The following MARCHF1 variants were observed in gnomAD, a reference collection of about 807,000 sequenced individuals.
MARCHF1 encodes membrane associated ring-CH-type finger 1, also known as E3 ubiquitin-protein ligase MARCHF1.
A neutral mutation model predicts 54.2 loss-of-function variants in MARCHF1; 40 were observed. The ratio of observed to expected loss-of-function variants is 0.74; its 90% confidence interval spans 0.57 to 0.96. MARCHF1 has a LOEUF of 0.96. Among genes scored for constraint, MARCHF1 ranks in the 40% least tolerant of loss-of-function variants. The pLI is 0.00. For missense variants in MARCHF1, 586 were observed against 656.5 expected, an observed-to-expected ratio of 0.89 and a Z score of 1.17; for synonymous variants, 236 against 236.3, an observed-to-expected ratio of 1.00 and a Z score of 0.01.
In MARCHF1 at chr4:163,626,551, A is replaced by T. The variant is rs553673146; in HGVS notation, c.163-13158T>A. Among the ~76,000 whole-genome samples the T allele has an allele frequency of 7.9e-5, 12 of 152,324 alleles. No individual in the cohort carries two copies. The South Asian group carries it at 2.5e-3, about 32-fold the overall frequency. ...CAGATGGGAAATACTGCTGCAGAAG[A>T]TTCTTTTTTTAAAGCCCCATTAATA... is the stretch of plus-strand genomic sequence containing the variant. On this transcript the variant is annotated intron_variant, in intron 5 of 9. Coordinates refer to ENST00000514618, the MANE Select transcript of MARCHF1 (RefSeq NM_001394959.1).
At chr4:163,814,994 GC>G (rs1391691275) in intron 4 of MARCHF1, among the ~76,000 whole-genome samples, 1 of 151,988 alleles carries the variant, frequency 6.6e-6, no homozygotes, top group Non-Finnish European at 1.5e-5. Flanking sequence ...AAATGAAAAG[GC>G]CATAAATGCC....
intron 2 of MARCHF1, among the ~76,000 whole-genome samples, chr4:164,090,428 A>C (rs1161981544): frequency 6.6e-6 from 1 of 152,114 alleles, no homozygotes; most frequent in Non-Finnish European, 1.5e-5. Context: ...GTGATGATTA[A>C]ATTTTGAAAC....
chr4:164,021,126 T>C (rs1753654433), intron 2 of MARCHF1, among the ~76,000 whole-genome samples: 1 of 150,754 alleles, frequency 6.6e-6, no homozygotes, highest in Admixed American at 6.6e-5. Flanking sequence ...GAGGCTGACT[T>C]CTATGGACCA....
chr4:163,967,634 C>G (rs1468384827), intron 3 of MARCHF1, among the ~76,000 whole-genome samples: 1 of 152,234 alleles, frequency 6.6e-6, no homozygotes, highest in Non-Finnish European at 1.5e-5. Context: ...TCAGGGCTCT[C>G]CAGAGCAACA....
chr4:164,081,159 G>A (rs1309715829), intron 2 of MARCHF1, among the ~76,000 whole-genome samples: 10 of 112,878 alleles, frequency 8.9e-5, no homozygotes, highest in African/African-American at 3.0e-4. Flanking sequence ...AGTGAGCCGA[G>A]ATCGCGCCAC....
At chr4:164,084,147 A>G (rs1755151837) in intron 2 of MARCHF1, among the ~76,000 whole-genome samples, 1 of 151,932 alleles carries the variant, frequency 6.6e-6, no homozygotes, top group South Asian at 2.1e-4. Flanking sequence ...GGATATTATA[A>G]TAACTTAGGT....
At position 163,548,132 on chromosome 4, in the gene MARCHF1, G is replaced by A. The variant is rs113383284; in HGVS notation, c.1192-2389C>T. On this transcript the variant is annotated intron_variant, in intron 8 of 9. Transcript: ENST00000514618. ...CCTGTTTTGGCTTTGGTTTATTGTCGTATTAATCTGAATAACACATATAAT... is the reference window on the plus strand; with the variant it reads ...CCTGTTTTGGCTTTGGTTTATTGTCATATTAATCTGAATAACACATATAAT... Among the ~76,000 whole-genome samples, 1,348 of 152,056 alleles carry A rather than the reference G, an allele frequency of 8.9e-3. 24 individuals carry two copies. Among genetic ancestry groups the A allele is most frequent in the African/African-American group, 0.031 (1,275 of 41,456 alleles).
At chr4:163,694,097 C>G (rs1484063186) in intron 5 of MARCHF1, among the ~76,000 whole-genome samples, 2 of 152,134 alleles carry the variant, frequency 1.3e-5, no homozygotes, top group Non-Finnish European at 2.9e-5. Context: ...AGAGCCCATT[C>G]GGCTAATCAA....
At chr4:163,566,609 A>C (rs1739653346) in intron 8 of MARCHF1, among the ~76,000 whole-genome samples, 1 of 152,184 alleles carries the variant, frequency 6.6e-6, no homozygotes. Context: ...CACCATCTAC[A>C]ATAAAGGCCA....
At chr4:164,256,728 GA>G (rs1733298647) in intron 1 of MARCHF1, among the ~76,000 whole-genome samples, 2 of 152,224 alleles carry the variant, frequency 1.3e-5, no homozygotes, top group Middle Eastern at 6.8e-3. Context: ...AGAGTAAGTT[GA>G]AAACATGACT....
At chr4:163,994,631 GACTT>G (rs373035994) in intron 2 of MARCHF1, among the ~76,000 whole-genome samples, 11 of 151,516 alleles carry the variant, frequency 7.3e-5, no homozygotes, top group African/African-American at 2.7e-4. Flanking sequence ...TCAAAATTCT[GACTT>G]AATGCATCAG....
intron 1 of MARCHF1, among the ~76,000 whole-genome samples, chr4:164,273,411 G>T (rs964808872): frequency 1.3e-5 from 2 of 152,136 alleles, no homozygotes; most frequent in African/African-American, 2.4e-5. Context: ...TGGGGATTAT[G>T]GGGGCTATGG....
In MARCHF1 at chr4:164,075,759, T is replaced by C. The variant is rs142734462; in HGVS notation, c.-248+35829A>G. ...TGCTTTTGTTTTAGTATGCCCAAGG[T>C]AGGGTTGCAGTCTAAGATGCCATCT... On this transcript the variant is annotated intron_variant, in intron 2 of 9. Coordinates refer to ENST00000514618, the MANE Select transcript of MARCHF1 (RefSeq NM_001394959.1). 2.4e-3 allele frequency among the ~76,000 whole-genome samples: 363 copies of C among 152,284 alleles called. 1 individual carries two copies. The highest frequency in any genetic ancestry group is 8.6e-3 in the African/African-American group (356 of 41,564).
At chr4:163,695,435 A>G (rs570021022) in intron 5 of MARCHF1, among the ~76,000 whole-genome samples, 13 of 152,330 alleles carry the variant, frequency 8.5e-5, no homozygotes, top group African/African-American at 3.1e-4. Context: ...ATGCATCTTT[A>G]TTTATTGCAG....
intron 1 of MARCHF1, among the ~76,000 whole-genome samples, chr4:164,271,688 G>A (rs371607408): frequency 3.3e-5 from 5 of 152,198 alleles, no homozygotes; most frequent in East Asian, 1.9e-4. Flanking sequence ...ATAGAAATCA[G>A]TTCGAGGTGA....
intron 4 of MARCHF1, among the ~76,000 whole-genome samples, chr4:163,738,511 A>G (rs1746109623): frequency 6.6e-6 from 1 of 152,244 alleles, no homozygotes; most frequent in Non-Finnish European, 1.5e-5. Context: ...TAAAACTTCT[A>G]CAAATTGAGG....
intron 2 of MARCHF1, among the ~76,000 whole-genome samples, chr4:164,012,746 C>G (rs934910598): frequency 6.6e-6 from 1 of 152,126 alleles, no homozygotes; most frequent in Non-Finnish European, 1.5e-5. Context: ...CCTGGTGACC[C>G]AGGGAATTCT....
chr4:163,674,293 G>A (rs1479370567), intron 5 of MARCHF1, among the ~76,000 whole-genome samples: 2 of 152,136 alleles, frequency 1.3e-5, no homozygotes, highest in African/African-American at 2.4e-5. Flanking sequence ...CAATCTACCC[G>A]TGTAACAAAA....
rs115239487 is a variant in MARCHF1, at chr4:164,023,164, A to G, written c.-247-34455T>C. 7.1e-3 allele frequency among the ~76,000 whole-genome samples: 1,082 copies of G among 152,326 alleles called. 10 individuals are homozygous for G. Among genetic ancestry groups the G allele is most frequent in the East Asian group, 0.025 (128 of 5,186 alleles). On this transcript the variant is annotated intron_variant, in intron 2 of 9. Transcript: ENST00000514618. ...GCATGGGAGCAGGGCATCCCTCCCA[A>G]TGCAGGGCCAGTAATGAAAAGGTAT... is the stretch of plus-strand genomic sequence containing the variant.
Sources: gnomAD v4.1 joint callset for allele counts (sites outside exome capture counted in the v4.1 genomes callset) on GRCh38, gnomAD v4.1.1 for gene constraint, MANE v1.5 for transcripts, NCBI Gene and HGNC (gene_info 2026-07-23, HGNC 2026-07-21) for gene names.